ATRNL1: variants seen among roughly 807,000 people sequenced by gnomAD.
ATRNL1 encodes the protein attractin-like protein 1.
ATRNL1 carries 95 observed loss-of-function variants against 182.7 expected under a neutral mutation model. The observed-to-expected ratio is 0.52, with a 90% CI of 0.44 to 0.62. ATRNL1 has a LOEUF of 0.62. Ranked by LOEUF, ATRNL1 falls within the 20% of genes least tolerant of loss-of-function variation. The probability of loss-of-function intolerance (pLI) is 0.00; values close to 1 mark genes in which losing one functional copy is unlikely to be tolerated. For synonymous variants in ATRNL1, 576 were observed against 568.3 expected (o/e 1.01, Z -0.19); for missense variants, 1,471 against 1,679.5 (o/e 0.88, Z 2.17).
At chr10:115,219,485 C>G (rs1554896930) in intron 9 of ATRNL1, among the ~76,000 whole-genome samples, 4 of 152,076 alleles carry the variant, frequency 2.6e-5, no homozygotes, top group African/African-American at 9.7e-5. Context: ...AGAAAGCTGC[C>G]TAGTCATGGC....
intron 21 of ATRNL1, among the ~76,000 whole-genome samples, chr10:115,441,479 A>C (rs2134447751): frequency 6.6e-6 from 1 of 151,922 alleles, no homozygotes; most frequent in South Asian, 2.1e-4. Flanking sequence ...CATACTTTCC[A>C]ATTTTTCCTA....
chr10:115,241,512 T>C, intron 9 of ATRNL1, 59 bp from the exon 10 acceptor site: 1 of 1,228,304 alleles, frequency 8.1e-7, no homozygotes, highest in East Asian at 2.3e-5. Flanking sequence ...ATATAACATA[T>C]ATAAAATCAG....
At chr10:115,120,063 C>G in intron 1 of ATRNL1, 122 bp from the exon 2 acceptor site, 1 of 585,500 alleles carries the variant, frequency 1.7e-6, no homozygotes. Flanking sequence ...AATAAATCCT[C>G]CTTTTTGAAA....
At chr10:115,911,416 C>A (rs181869195) in intron 28 of ATRNL1, among the ~76,000 whole-genome samples, 3,468 of 152,248 alleles carry the variant, frequency 0.023, 59 homozygotes, top group Non-Finnish European at 0.034. Flanking sequence ...CTCCTGTGTT[C>A]AAGCGATTCT....
chr10:115,647,887 G>T (rs1017152581), intron 26 of ATRNL1, among the ~76,000 whole-genome samples: 1 of 152,098 alleles, frequency 6.6e-6, no homozygotes, highest in African/African-American at 2.4e-5. Flanking sequence ...ATGTCCTGAA[G>T]GGTATTGCCT....
intron 24 of ATRNL1, among the ~76,000 whole-genome samples, chr10:115,494,338 C>T (rs2134668289): frequency 6.6e-6 from 1 of 152,218 alleles, no homozygotes. Flanking sequence ...CTTTCTCTTG[C>T]CTGATTGCTG....
intron 24 of ATRNL1, among the ~76,000 whole-genome samples, chr10:115,494,117 T>C (rs1160225542): frequency 1.3e-5 from 2 of 152,180 alleles, no homozygotes; most frequent in Admixed American, 6.5e-5. Context: ...TTCAGTTTAA[T>C]TTTTGTCAAA....
At chr10:115,929,708 A>G (rs368562416) in intron 28 of ATRNL1, among the ~76,000 whole-genome samples, 1 of 152,264 alleles carries the variant, frequency 6.6e-6, no homozygotes, top group East Asian at 1.9e-4. Flanking sequence ...TGGCTGCCTT[A>G]ACATCTTCTT....
chr10:115,467,097 A>G, intron 22 of ATRNL1, 77 bp from the exon 23 acceptor site: 3 of 793,810 alleles, frequency 3.8e-6, no homozygotes, highest in Non-Finnish European at 6.4e-6. Flanking sequence ...AAACAGACAT[A>G]ATTAAATCAG....
rs556605721 is a variant in ATRNL1, at chr10:115,324,121, C to G, written c.3037+8385C>G. 4.6e-5 allele frequency among the ~76,000 whole-genome samples: 7 copies of G among 152,188 alleles called. No individual in the cohort carries two copies. In the South Asian group the frequency reaches 8.3e-4, roughly 18 times the overall value. The stretch of plus-strand genomic sequence containing the variant: ...TATTCTTTGTTTAAATCAACTCTCT[C>G]TCTTTTTTTAATCTCCTGGTTTTTA... On this transcript the variant is annotated intron_variant, in intron 18 of 28. Transcript: ENST00000355044.
intron 24 of ATRNL1, among the ~76,000 whole-genome samples, chr10:115,480,891 A>T (rs116579060): frequency 0.037 from 5,540 of 151,182 alleles, 309 homozygotes; most frequent in African/African-American, 0.12. Flanking sequence ...AATTGTTTGA[A>T]TTAGGTGAGA....
intron 3 of ATRNL1, among the ~76,000 whole-genome samples, chr10:115,125,226 A>C (rs1353512643): frequency 1.3e-5 from 2 of 152,192 alleles, no homozygotes; most frequent in Non-Finnish European, 2.9e-5. Context: ...TATATGCATT[A>C]GTTTATTTAA....
Position 115,790,884 on chromosome 10 carries a change from C to T in ATRNL1, c.3904-56993C>T, listed in dbSNP as rs1269742762. ...GATGTTCGTTAGCATTAAAAATGTT[C>T]GGGGGTTTTTAAATGAACACATTTT... On this transcript the variant is annotated intron_variant, in intron 27 of 28. Transcript: ENST00000355044. 7.9e-5 allele frequency among the ~76,000 whole-genome samples: 12 copies of T among 152,080 alleles called. No individual in the cohort carries two copies. In the East Asian group the frequency reaches 1.2e-3, roughly 15 times the overall value.
intron 20 of ATRNL1, among the ~76,000 whole-genome samples, chr10:115,422,351 G>A (rs1032708814): frequency 6.6e-6 from 1 of 151,888 alleles, no homozygotes; most frequent in African/African-American, 2.4e-5. Flanking sequence ...AGCAAAAAAC[G>A]AACAACCGCA....
chr10:115,917,152 T>G (rs1166417148), intron 28 of ATRNL1, among the ~76,000 whole-genome samples: 1 of 152,176 alleles, frequency 6.6e-6, no homozygotes, highest in Non-Finnish European at 1.5e-5. Context: ...TTGGGCACTC[T>G]CTGGATCCTG....
chr10:115,579,034 T>C (rs1457458299), intron 26 of ATRNL1, among the ~76,000 whole-genome samples: 1 of 126,440 alleles, frequency 7.9e-6, no homozygotes, highest in Non-Finnish European at 1.8e-5. Context: ...CTTATTGATT[T>C]CTATTTTCAT....
At position 115,685,560 on chromosome 10, in the gene ATRNL1, T is replaced by A. The variant is rs80065036; in HGVS notation, c.3796-41688T>A. ...TCATCCATTTAGATAATTCGTCTTA[T>A]GCCAAAATTACTTTAAAAGTAGGAA... On this transcript the variant is annotated intron_variant, in intron 26 of 28. Transcript: ENST00000355044. 6.6e-3 allele frequency among the ~76,000 whole-genome samples: 1,007 copies of A among 152,008 alleles called. 12 individuals are homozygous for A. Among genetic ancestry groups the A allele is most frequent in the African/African-American group, 0.023 (940 of 41,566 alleles).
intron 27 of ATRNL1, among the ~76,000 whole-genome samples, chr10:115,765,725 T>C (rs550269611): frequency 6.6e-5 from 10 of 152,244 alleles, no homozygotes; most frequent in Non-Finnish European, 1.2e-4. Context: ...CCGCAGGTCA[T>C]CTAGGTTTTC....
At chr10:115,461,905 T>A in intron 21 of ATRNL1, 36 bp from the exon 22 acceptor site, 1 of 1,479,668 alleles carries the variant, frequency 6.8e-7, no homozygotes. Context: ...GTTTTTAAAG[T>A]ACATATCAGG....
Sources: gnomAD v4.1 joint callset for allele counts (sites outside exome capture counted in the v4.1 genomes callset) on GRCh38, gnomAD v4.1.1 for gene constraint, MANE v1.5 for transcripts, NCBI Gene and HGNC (gene_info 2026-07-23, HGNC 2026-07-21) for gene names.